Variants in ERC2 observed in about 807,000 individuals in gnomAD.
The protein encoded by ERC2 is ERC protein 2.
A neutral mutation model predicts 114.8 loss-of-function variants in ERC2; 42 were observed. The ratio of observed to expected loss-of-function variants is 0.37; its 90% CI spans 0.29 to 0.47. ERC2 has a LOEUF of 0.47. ERC2 is among the 20% of genes least tolerant of loss of function. The probability of loss-of-function intolerance (pLI) is 0.99; values close to 1 mark genes in which losing one functional copy is unlikely to be tolerated. For synonymous variants in ERC2, 454 were observed against 425.5 expected, an observed-to-expected ratio of 1.07 and a Z score of -0.82; for missense variants, 939 against 1,150.7, an observed-to-expected ratio of 0.82 and a Z score of 2.66.
chr3:55,720,871 T>C (rs1037479348), intron 15 of ERC2, among the ~76,000 whole-genome samples: 4 of 152,194 alleles, frequency 2.6e-5, no homozygotes, highest in Admixed American at 6.5e-5. Flanking sequence ...AAGATCAGCA[T>C]CTTGTACATT....
At chr3:56,312,678 T>C (rs2056649014) in intron 2 of ERC2, among the ~76,000 whole-genome samples, 1 of 151,674 alleles carries the variant, frequency 6.6e-6, no homozygotes, top group South Asian at 2.1e-4. Flanking sequence ...TAAACTGTTT[T>C]GCTCATTTGT....
chr3:55,832,041 C>T (rs982316694), intron 14 of ERC2, among the ~76,000 whole-genome samples: 10 of 152,306 alleles, frequency 6.6e-5, no homozygotes, highest in African/African-American at 1.4e-4. Context: ...ACGTCAGCAG[C>T]GAGGCTGGGG....
chr3:55,971,020 G>A (rs2069116177), intron 12 of ERC2, among the ~76,000 whole-genome samples: 1 of 152,124 alleles, frequency 6.6e-6, no homozygotes, highest in African/African-American at 2.4e-5. Flanking sequence ...GGAATGAGAT[G>A]GTGATACATA....
chr3:56,004,266 T>C (rs2072299159), intron 10 of ERC2, among the ~76,000 whole-genome samples: 1 of 152,060 alleles, frequency 6.6e-6, no homozygotes, highest in Non-Finnish European at 1.5e-5. Flanking sequence ...ATTATCAGCC[T>C]CTTCTCAACT....
intron 3 of ERC2, among the ~76,000 whole-genome samples, chr3:56,206,246 G>T (rs948182142): frequency 6.6e-6 from 1 of 151,862 alleles, no homozygotes; most frequent in African/African-American, 2.4e-5. Context: ...GCCAGGGTTT[G>T]AACCCAGGTC....
chr3:56,296,901 C>A (rs567129771), intron 2 of ERC2, among the ~76,000 whole-genome samples: 106 of 152,218 alleles, frequency 7.0e-4, no homozygotes, highest in Non-Finnish European at 1.4e-3. Context: ...GCATCCACTA[C>A]AAGTAGACAC....
chr3:56,086,020 A>G (rs563815664), intron 6 of ERC2, among the ~76,000 whole-genome samples: 12 of 152,214 alleles, frequency 7.9e-5, no homozygotes, highest in Non-Finnish European at 1.5e-4. Flanking sequence ...GACACTCTGT[A>G]ATCATGAGAG....
At chr3:55,585,082 C>T (rs765962620) in intron 17 of ERC2, among the ~76,000 whole-genome samples, 4 of 152,336 alleles carry the variant, frequency 2.6e-5, no homozygotes, top group East Asian at 3.9e-4. Flanking sequence ...CTGCTGCTTC[C>T]GCTGTGGTCC....
chr3:55,838,056 A>G (rs1260964898), intron 14 of ERC2, among the ~76,000 whole-genome samples: 1 of 151,998 alleles, frequency 6.6e-6, no homozygotes, highest in Middle Eastern at 3.2e-3. Flanking sequence ...GTACTTAATA[A>G]TAGAGCTTCA....
At chr3:56,309,120 A>T (rs910497712) in intron 2 of ERC2, among the ~76,000 whole-genome samples, 4 of 152,200 alleles carry the variant, frequency 2.6e-5, no homozygotes, top group Admixed American at 2.6e-4. Context: ...TGGCCTGCTG[A>T]GGGAGGTATA....
At chr3:55,704,870 G>C (rs1351380514) in intron 15 of ERC2, among the ~76,000 whole-genome samples, 1 of 152,220 alleles carries the variant, frequency 6.6e-6, no homozygotes, top group Non-Finnish European at 1.5e-5. Context: ...ATGATGCCAA[G>C]AATAATTATG....
chr3:55,713,077 GT>G (rs2063857885), intron 15 of ERC2, among the ~76,000 whole-genome samples: 1 of 141,396 alleles, frequency 7.1e-6, no homozygotes, highest in Non-Finnish European at 1.5e-5. Context: ...TCATATCCTG[GT>G]TGTTAGTTCC....
intron 6 of ERC2, among the ~76,000 whole-genome samples, chr3:56,133,392 A>T (rs969408837): frequency 6.6e-6 from 1 of 152,136 alleles, no homozygotes; most frequent in Non-Finnish European, 1.5e-5. Flanking sequence ...AGCCGAGATC[A>T]TGCCACTGCA....
chr3:56,430,834 A>T (rs1437711875), intron 2 of ERC2, among the ~76,000 whole-genome samples: 1 of 152,158 alleles, frequency 6.6e-6, no homozygotes, highest in African/African-American at 2.4e-5. Context: ...TAATCATCTT[A>T]TCAAAACTAG....
In ERC2 at chr3:56,296,429, G is replaced by C; in HGVS notation, c.664C>G (p.Gln222Glu). 1 of 1,609,204 alleles carries C rather than the reference G, an allele frequency of 6.2e-7. No homozygotes were observed. Among genetic ancestry groups the C allele is most frequent in the Non-Finnish European group, 8.5e-7 (1 of 1,176,346 alleles). ...RVSHEENQHL[Q>E]LTIQALQDEL... The stretch of plus-strand genomic sequence containing the variant: ...TCTTGAAGGGCCTGGATTGTCAACT[G>C]TAGGTGCTGCAATGAGAAAGATGGA... The change falls in exon 3 of 18, where the codon CAG becomes GAG. Residue 222 changes from glutamine (Q) to glutamate (E), a missense_variant. By Grantham distance (29) the Gln-to-Glu change is conservative (BLOSUM62 2). Transcript: ENST00000288221.
intron 17 of ERC2, among the ~76,000 whole-genome samples, chr3:55,588,563 G>C (rs1334286262): frequency 1.3e-5 from 2 of 152,174 alleles, no homozygotes; most frequent in Non-Finnish European, 2.9e-5. Flanking sequence ...CCTCTCACCT[G>C]TGCCCCATCC....
rs146429077 is a variant in ERC2, at chr3:55,552,676, A to G, written c.*40-41400T>C. Among the ~76,000 whole-genome samples the G allele has an allele frequency of 2.0e-3, 311 of 151,994 alleles. 2 individuals are homozygous for G. Among genetic ancestry groups the G allele is most frequent in the Middle Eastern group, 6.8e-3 (2 of 294 alleles). ...AGGAGAAAAGAAAGGAACCCCTGAAAATGCCCTGTTAGCATTTATATCTTA... is the reference window on the plus strand; with the variant it reads ...AGGAGAAAAGAAAGGAACCCCTGAAGATGCCCTGTTAGCATTTATATCTTA... On this transcript the variant is annotated intron_variant, in intron 17 of 17. Coordinates refer to ENST00000288221, the MANE Select transcript of ERC2 (RefSeq NM_015576.3).
intron 3 of ERC2, among the ~76,000 whole-genome samples, chr3:56,269,039 GA>G (rs977626502): frequency 9.9e-5 from 15 of 151,698 alleles, no homozygotes; most frequent in Non-Finnish European, 1.8e-4. Flanking sequence ...AATTATAATA[GA>G]AAAAAAATTT....
At position 55,583,399 on chromosome 3, in the gene ERC2, T is replaced by TTTCCTTCCTTCCTTCCTTCCTTCC. The variant is rs568033136; in HGVS notation, c.*40-72147_*40-72124dup. ...CTTTCCTTCTTTCTTTCCTTCCTTC[T>TTTCCTTCCTTCCTTCCTTCCTTCC]TTCCTTCCTTCCTTCCTTCCTTCCT... On this transcript the variant is annotated intron_variant, in intron 17 of 17. Transcript: ENST00000288221. Among the ~76,000 whole-genome samples the TTTCCTTCCTTCCTTCCTTCCTTCC allele has an allele frequency of 1.2e-3, 107 of 87,046 alleles. 1 individual carries two copies. Among genetic ancestry groups the TTTCCTTCCTTCCTTCCTTCCTTCC allele is most frequent in the Non-Finnish European group, 1.9e-3 (80 of 41,092 alleles). 57.1% of individuals were successfully genotyped at this position (87,046 alleles called of 152,430 possible).
Sources: gnomAD v4.1 joint callset for allele counts (sites outside exome capture counted in the v4.1 genomes callset) on GRCh38, gnomAD v4.1.1 for gene constraint, MANE v1.5 for transcripts, NCBI Gene and HGNC (gene_info 2026-07-23, HGNC 2026-07-21) for gene names.